ITGA2: variants seen among roughly 807,000 people sequenced by gnomAD.
ITGA2 encodes the protein integrin alpha-2.
In ITGA2, 101 loss-of-function variants were observed where a neutral mutation model predicts 146.3. That is an observed-to-expected ratio of 0.69 (90% CI 0.59 to 0.81). The LOEUF (loss-of-function observed/expected upper bound fraction) is 0.81, where lower values mean the gene tolerates loss of function less well. Ranked by LOEUF, ITGA2 falls within the 40% of genes least tolerant of loss-of-function variation. The pLI is 0.00. For missense variants in ITGA2, 1,281 were observed against 1,402.7 expected (o/e 0.91, Z 1.39); for synonymous variants, 477 against 487.1 (o/e 0.98, Z 0.27).
At chr5:53,057,901 A>G (rs1296976492) in intron 9 of ITGA2, 124 bp from the exon 10 acceptor site, 9 of 723,006 alleles carry the variant, frequency 1.2e-5, no homozygotes, top group Non-Finnish European at 2.3e-5. Context: ...TTGGGTGAGT[A>G]TTGGAACAGT....
At chr5:53,000,294 C>T (rs1210541287) in intron 1 of ITGA2, among the ~76,000 whole-genome samples, 1 of 152,012 alleles carries the variant, frequency 6.6e-6, no homozygotes, top group South Asian at 2.1e-4. Flanking sequence ...TATTTTTCTG[C>T]ATCTATTGGT....
intron 1 of ITGA2, among the ~76,000 whole-genome samples, chr5:53,006,294 C>G (rs1741846013): frequency 6.6e-6 from 1 of 152,096 alleles, no homozygotes; most frequent in Non-Finnish European, 1.5e-5. Flanking sequence ...TTCTGCCATG[C>G]CATCACCCCG....
Position 53,060,998 on chromosome 5 carries a change from G to C in ITGA2, c.1410G>C (p.Val470=), listed in dbSNP as rs765159833. The C allele has an allele frequency of 1.3e-5, 21 of 1,612,234 alleles. No individual in the cohort carries two copies. The South Asian group carries it at 2.3e-4, about 18-fold the overall frequency. The part of the protein sequence containing the change: ...NYTGQIVLYS[V]NENGNITVIQ... Reference sequence around the variant, plus strand: ...CCGGCCAGATAGTGCTATATAGTGTGAATGAGAATGGCAATATCACGGTTA... The same window carrying C: ...CCGGCCAGATAGTGCTATATAGTGTCAATGAGAATGGCAATATCACGGTTA... The change falls in exon 12 of 30, where the codon GTG becomes GTC. Residue 470 remains valine, a synonymous_variant. Coordinates refer to ENST00000296585, the MANE Select transcript of ITGA2 (RefSeq NM_002203.4).
intron 1 of ITGA2, among the ~76,000 whole-genome samples, chr5:52,992,903 A>C (rs1741047209): frequency 6.6e-6 from 1 of 152,114 alleles, no homozygotes; most frequent in Non-Finnish European, 1.5e-5. Context: ...ATTCACACAC[A>C]CACACCACAC....
intron 17 of ITGA2, among the ~76,000 whole-genome samples, chr5:53,070,799 C>G (rs1554022765): frequency 6.6e-6 from 1 of 151,868 alleles, no homozygotes; most frequent in Non-Finnish European, 1.5e-5. Context: ...AGAAAACTTC[C>G]AGCCGGAAAT....
intron 3 of ITGA2, 76 bp downstream of exon 3, chr5:53,042,297 T>C: frequency 1.0e-6 from 1 of 981,230 alleles, no homozygotes; most frequent in Non-Finnish European, 1.7e-6. Context: ...ACAATCATTG[T>C]TCTGTCTTAA....
chr5:53,066,486 C>T (rs1330065723), intron 15 of ITGA2, among the ~76,000 whole-genome samples: 1 of 151,766 alleles, frequency 6.6e-6, no homozygotes, highest in Non-Finnish European at 1.5e-5. Context: ...GTGTGAAGGT[C>T]ATGTGATTCA....
chr5:53,057,710 T>A (rs905378219), intron 9 of ITGA2, among the ~76,000 whole-genome samples: 3 of 151,950 alleles, frequency 2.0e-5, no homozygotes, highest in Non-Finnish European at 4.4e-5. Flanking sequence ...CCTTACCTTA[T>A]ACCCTTTGTT....
chr5:53,022,916 A>G lies in ITGA2; in HGVS notation c.65-3832A>G, dbSNP rs114584099. On this transcript the variant is annotated intron_variant, in intron 1 of 29. Transcript: ENST00000296585. ...AATGGCAACCAGCCTGTTATAATCT[A>G]GGATGAAACAGTATCCCCTTTTTAT... is the stretch of plus-strand genomic sequence containing the variant. Among the ~76,000 whole-genome samples the G allele has an allele frequency of 2.0e-3, 309 of 152,340 alleles. 1 individual carries two copies. Among genetic ancestry groups the G allele is most frequent in the African/African-American group, 7.2e-3 (299 of 41,584 alleles).
At chr5:53,089,921 C>G (rs921351761) in intron 28 of ITGA2, 25 bp from the exon 29 acceptor site, 1 of 1,386,686 alleles carries the variant, frequency 7.2e-7, no homozygotes, top group South Asian at 1.2e-5. Context: ...ATTAAAATAA[C>G]TCAACTGTGA....
intron 28 of ITGA2, among the ~76,000 whole-genome samples, chr5:53,088,728 G>A (rs1240210117): frequency 6.6e-6 from 1 of 151,032 alleles, no homozygotes; most frequent in Admixed American, 6.6e-5. Flanking sequence ...ACTTTTAATG[G>A]CAAAGACTGC....
At chr5:53,035,085 C>T (rs1450309998) in intron 2 of ITGA2, among the ~76,000 whole-genome samples, 1 of 152,232 alleles carries the variant, frequency 6.6e-6, no homozygotes, top group African/African-American at 2.4e-5. Flanking sequence ...AAGCAGTTTA[C>T]AAATGTTGCT....
intron 1 of ITGA2, among the ~76,000 whole-genome samples, chr5:53,000,905 T>TG (rs1338801431): frequency 6.9e-6 from 1 of 144,956 alleles, no homozygotes; most frequent in East Asian, 2.0e-4. Flanking sequence ...TTGTTTTTTT[T>TG]TTTTTTTTTT....
In ITGA2 at chr5:53,092,340, C is replaced by A. The variant is rs1740467565; in HGVS notation, c.*1741C>A. 6.6e-6 allele frequency: 1 copy of A among 151,914 alleles called. No homozygotes were observed. Among genetic ancestry groups the A allele is most frequent in the African/African-American group, 2.4e-5 (1 of 41,388 alleles). The allele number at this position is 151,914 out of a possible 1,614,324, so 9.4% of individuals were successfully genotyped here. A position where few individuals can be genotyped will look rare whatever the true frequency, so the allele number is the denominator to read the frequency against. ...TCCTATAATACAAATACACAATCCT[C>A]CAAGAATTTGACTTGGAAAAAAATG... On this transcript the variant is annotated 3_prime_UTR_variant, in exon 30 of 30. Transcript: ENST00000296585.
chr5:53,033,578 T>A (rs1743338943), intron 2 of ITGA2, among the ~76,000 whole-genome samples: 1 of 151,988 alleles, frequency 6.6e-6, no homozygotes, highest in South Asian at 2.1e-4. Flanking sequence ...TTTGCTTATA[T>A]CTTATTTAAT....
chr5:53,058,721 C>G (rs1370524768), intron 10 of ITGA2, among the ~76,000 whole-genome samples: 1 of 151,658 alleles, frequency 6.6e-6, no homozygotes, highest in East Asian at 1.9e-4. Context: ...ATTTAAGGAA[C>G]AGTAGGAAAT....
intron 7 of ITGA2, among the ~76,000 whole-genome samples, chr5:53,055,289 A>G (rs1410397392): frequency 6.6e-6 from 1 of 152,158 alleles, no homozygotes; most frequent in Non-Finnish European, 1.5e-5. Context: ...TGGGATAAAT[A>G]CATGCACACA....
intron 1 of ITGA2, among the ~76,000 whole-genome samples, chr5:52,992,148 A>T (rs1740991119): frequency 6.6e-6 from 1 of 152,104 alleles, no homozygotes; most frequent in Non-Finnish European, 1.5e-5. Flanking sequence ...TGTAAAAAAA[A>T]TATTTCTTTT....
intron 2 of ITGA2, among the ~76,000 whole-genome samples, chr5:53,039,370 A>G (rs1579835839): frequency 6.6e-6 from 1 of 152,196 alleles, no homozygotes; most frequent in Non-Finnish European, 1.5e-5. Flanking sequence ...AACAGATGAC[A>G]CAATAACACA....
Sources: gnomAD v4.1 joint callset for allele counts (sites outside exome capture counted in the v4.1 genomes callset) on GRCh38, gnomAD v4.1.1 for gene constraint, MANE v1.5 for transcripts, NCBI Gene and HGNC (gene_info 2026-07-23, HGNC 2026-07-21) for gene names.